The following ST8SIA5 variants were observed in gnomAD, a reference collection of about 807,000 sequenced individuals.
ST8SIA5 encodes the protein ST8 alpha-N-acetyl-neuraminide alpha-2,8-sialyltransferase 5.
A neutral mutation model predicts 40.2 loss-of-function variants in ST8SIA5; 24 were observed. That is an observed-to-expected ratio of 0.60 (90% CI 0.43 to 0.84). The LOEUF (loss-of-function observed/expected upper bound fraction) is 0.84, where lower values mean the gene tolerates loss of function less well. Among genes scored for constraint, ST8SIA5 ranks in the 40% least tolerant of loss-of-function variants. ST8SIA5 has a pLI of 0.00. For missense variants in ST8SIA5, 465 were observed against 498.5 expected (o/e 0.93, Z 0.64); for synonymous variants, 198 against 201.8 (o/e 0.98, Z 0.16).
chr18:46,722,597 G>T (rs1464222195), intron 1 of ST8SIA5, among the ~76,000 whole-genome samples: 3 of 152,246 alleles, frequency 2.0e-5, no homozygotes, highest in African/African-American at 7.2e-5. Flanking sequence ...GGCTTTCTCA[G>T]CCTGGCACTA....
intron 1 of ST8SIA5, among the ~76,000 whole-genome samples, chr18:46,720,304 C>G (rs542103955): frequency 6.6e-6 from 1 of 152,108 alleles, no homozygotes; most frequent in Admixed American, 6.5e-5. Flanking sequence ...AGCATGGGCC[C>G]CCACCTTACC....
intron 1 of ST8SIA5, among the ~76,000 whole-genome samples, chr18:46,711,647 G>A (rs1054865704): frequency 2.0e-5 from 3 of 152,168 alleles, no homozygotes; most frequent in Admixed American, 6.5e-5. Context: ...CACAGCAAAC[G>A]CACAGAAATC....
At chr18:46,685,913 CT>C in intron 5 of ST8SIA5, 1 of 482,786 alleles carries the variant, frequency 2.1e-6, no homozygotes, top group Non-Finnish European at 3.8e-6. Context: ...CTCCTAAGTC[CT>C]CAGTGCCTTC....
intron 1 of ST8SIA5, among the ~76,000 whole-genome samples, chr18:46,756,124 G>A (rs2040242351): frequency 6.6e-6 from 1 of 152,206 alleles, no homozygotes; most frequent in Non-Finnish European, 1.5e-5. Flanking sequence ...CTGGTTGCTT[G>A]GAATTCTATT....
At chr18:46,704,734 T>G in intron 1 of ST8SIA5, 70 bp from the exon 2 acceptor site, 4 of 1,280,158 alleles carry the variant, frequency 3.1e-6, no homozygotes, top group Non-Finnish European at 4.6e-6. Flanking sequence ...GGGGCTCTTG[T>G]TGCAGGGTGG....
intron 1 of ST8SIA5, 37 bp downstream of exon 1, chr18:46,756,341 G>C: frequency 6.2e-7 from 1 of 1,601,160 alleles, no homozygotes. Context: ...TCGCCGGCCG[G>C]CTCCGCGCAT....
At chr18:46,710,056 G>A (rs1296681408) in intron 1 of ST8SIA5, among the ~76,000 whole-genome samples, 1 of 152,132 alleles carries the variant, frequency 6.6e-6, no homozygotes, top group African/African-American at 2.4e-5. Flanking sequence ...ACATCAAAGG[G>A]GAGGGCACCC....
Position 46,676,320 on chromosome 18 carries a change from C to T in ST8SIA5, c.*3722G>A, listed in dbSNP as rs2039339001. On this transcript the variant is annotated 3_prime_UTR_variant, in exon 7 of 7. Transcript: ENST00000315087. ...ATTTAACGTCTGTATACACACACACCAGACCACAAACTCCCGGAGGGCAGG... is the reference window on the plus strand; with the variant it reads ...ATTTAACGTCTGTATACACACACACTAGACCACAAACTCCCGGAGGGCAGG... The T allele has an allele frequency of 6.6e-6, 1 of 152,226 alleles. No individual in the cohort carries two copies. The highest frequency in any genetic ancestry group is 2.4e-5 in the African/African-American group (1 of 41,440). The allele number at this position is 152,226 out of a possible 1,614,324, so 9.4% of individuals were successfully genotyped here. A position where few individuals can be genotyped will look rare whatever the true frequency, so the allele number is the denominator to read the frequency against.
At chr18:46,699,799 G>T (rs649806) in intron 2 of ST8SIA5, among the ~76,000 whole-genome samples, 10,312 of 152,224 alleles carry the variant, frequency 0.068, 830 homozygotes, top group East Asian at 0.37. Flanking sequence ...CAGAGATGCC[G>T]AAGCCTGGGT....
chr18:46,683,595 G>A (rs1197727550), intron 5 of ST8SIA5, among the ~76,000 whole-genome samples: 1 of 152,006 alleles, frequency 6.6e-6, no homozygotes, highest in Non-Finnish European at 1.5e-5. Context: ...TTCGTCAAGG[G>A]GAAGCCATGG....
At chr18:46,704,406 G>C (rs528921845) in intron 2 of ST8SIA5, among the ~76,000 whole-genome samples, 166 bp downstream of exon 2, 9 of 152,170 alleles carry the variant, frequency 5.9e-5, no homozygotes, top group African/African-American at 2.2e-4. Flanking sequence ...AGCCCTCCAG[G>C]GCTTTCCGAA....
chr18:46,735,541 A>AGC (rs2040025510), intron 1 of ST8SIA5, among the ~76,000 whole-genome samples: 1 of 152,178 alleles, frequency 6.6e-6, no homozygotes, highest in Non-Finnish European at 1.5e-5. Flanking sequence ...AGTGCATGCA[A>AGC]AATTGGTGAA....
chr18:46,685,054 G>C (rs115813311), intron 5 of ST8SIA5, among the ~76,000 whole-genome samples: 1,954 of 152,262 alleles, frequency 0.013, 52 homozygotes, highest in African/African-American at 0.045. Flanking sequence ...GGTACTAAGA[G>C]CTATACAATC....
At chr18:46,724,365 C>A (rs2039893496) in intron 1 of ST8SIA5, among the ~76,000 whole-genome samples, 1 of 152,272 alleles carries the variant, frequency 6.6e-6, no homozygotes, top group South Asian at 2.1e-4. Flanking sequence ...ACTCTCCAGG[C>A]TCCACAGCAG....
Position 46,674,657 on chromosome 18 carries a change from T to C in ST8SIA5, c.*5385A>G, listed in dbSNP as rs1338954344. ...TCTTCCCTTGGGGAGAAGGCAAACC[T>C]TCTATCAAGGACACACGGGCCCTTA... On this transcript the variant is annotated 3_prime_UTR_variant, in exon 7 of 7. Coordinates refer to ENST00000315087, the MANE Select transcript of ST8SIA5 (RefSeq NM_013305.6). 1 of 152,248 alleles carries C rather than the reference T, an allele frequency of 6.6e-6. No individual in the cohort carries two copies. The highest frequency in any genetic ancestry group is 6.5e-5 in the Admixed American group (1 of 15,284). The allele number at this position is 152,248 out of a possible 1,614,324, so 9.4% of individuals were successfully genotyped here.
chr18:46,728,674 A>G (rs978582647), intron 1 of ST8SIA5, among the ~76,000 whole-genome samples: 6 of 152,156 alleles, frequency 3.9e-5, no homozygotes, highest in African/African-American at 1.4e-4. Flanking sequence ...AACTGAACCC[A>G]TCCTTGCAAA....
chr18:46,713,077 C>A (rs1222871230), intron 1 of ST8SIA5, among the ~76,000 whole-genome samples: 4 of 152,090 alleles, frequency 2.6e-5, no homozygotes, highest in African/African-American at 9.7e-5. Context: ...CTGTGGGCCA[C>A]CCAGTATCAT....
At chr18:46,701,488 C>T (rs1262111376) in intron 2 of ST8SIA5, among the ~76,000 whole-genome samples, 4 of 152,024 alleles carry the variant, frequency 2.6e-5, no homozygotes, top group Admixed American at 6.5e-5. Flanking sequence ...CAGAGTGAGC[C>T]CTGATCCAAT....
chr18:46,747,771 C>T (rs2040154872), intron 1 of ST8SIA5, among the ~76,000 whole-genome samples: 1 of 152,196 alleles, frequency 6.6e-6, no homozygotes, highest in Non-Finnish European at 1.5e-5. Context: ...CTCATGCACA[C>T]ATATGTTTGT....
Sources: gnomAD v4.1 joint callset for allele counts (sites outside exome capture counted in the v4.1 genomes callset) on GRCh38, gnomAD v4.1.1 for gene constraint, MANE v1.5 for transcripts, NCBI Gene and HGNC (gene_info 2026-07-23, HGNC 2026-07-21) for gene names.